RGS17: variants seen among roughly 807,000 people sequenced by gnomAD.
RGS17 encodes the protein regulator of G protein signaling 17.
Under a neutral mutation model 25.5 loss-of-function variants are expected in RGS17, and 12 were observed. That is an observed-to-expected ratio of 0.47 (90% CI 0.30 to 0.76). RGS17 has a LOEUF of 0.76. Ranked by LOEUF, RGS17 falls within the 30% of genes least tolerant of loss-of-function variation. RGS17 has a pLI of 0.07. For synonymous variants in RGS17, 71 were observed against 76.9 expected (o/e 0.92, Z 0.40); for missense variants, 196 against 242.2 (o/e 0.81, Z 1.27).
In RGS17 at chr6:153,037,445, T is replaced by G. The variant is rs76303841; in HGVS notation, c.119+6455A>C. ...GCATTTTTTACTTTTTTTTTTTTTTTGAGACAGAGTCTCTCTGTTGCCCAG... is the reference window on the plus strand; with the variant it reads ...GCATTTTTTACTTTTTTTTTTTTTTGGAGACAGAGTCTCTCTGTTGCCCAG... On this transcript the variant is annotated intron_variant, in intron 2 of 4. Coordinates refer to ENST00000206262, the MANE Select transcript of RGS17 (RefSeq NM_012419.5). 3.3e-5 allele frequency among the ~76,000 whole-genome samples: 5 copies of G among 151,734 alleles called. No individual in the cohort carries two copies. In the East Asian group the frequency reaches 5.8e-4, roughly 18 times the overall value.
intron 4 of RGS17, among the ~76,000 whole-genome samples, chr6:153,022,647 C>A (rs1779257847): frequency 1.3e-5 from 2 of 152,028 alleles, no homozygotes; most frequent in African/African-American, 4.8e-5. Context: ...TAATTACAGG[C>A]AAAAGAAGCA....
At chr6:153,077,118 A>G (rs1290500352) in intron 1 of RGS17, among the ~76,000 whole-genome samples, 2 of 152,210 alleles carry the variant, frequency 1.3e-5, no homozygotes, top group African/African-American at 4.8e-5. Context: ...GTCTTCCCAC[A>G]AAGTATTTAA....
chr6:153,122,763 C>T (rs963059672), intron 1 of RGS17, among the ~76,000 whole-genome samples: 3 of 151,836 alleles, frequency 2.0e-5, no homozygotes, highest in African/African-American at 7.3e-5. Flanking sequence ...TTTCTATGAA[C>T]TATTAGATGT....
intron 1 of RGS17, among the ~76,000 whole-genome samples, chr6:153,113,348 T>C (rs561453041): frequency 6.3e-4 from 96 of 152,300 alleles, no homozygotes; most frequent in African/African-American, 2.2e-3. Flanking sequence ...CATTACATAA[T>C]GGTAAAGGGA....
rs1301821951 is a variant in RGS17, at chr6:153,008,031, T to C, written c.*3543A>G. ...GATATAATTTGTCACAATTACAATA[T>C]GATTTTTTAAAGTATAAATAAGTTA... is the stretch of plus-strand genomic sequence containing the variant. On this transcript the variant is annotated 3_prime_UTR_variant, in exon 5 of 5. Coordinates refer to ENST00000206262, the MANE Select transcript of RGS17 (RefSeq NM_012419.5). 1 of 152,240 alleles carries C rather than the reference T, an allele frequency of 6.6e-6. No homozygotes were observed. The highest frequency in any genetic ancestry group is 1.5e-5 in the Non-Finnish European group (1 of 68,034). The allele number at this position is 152,240 out of a possible 1,614,324, so 9.4% of individuals were successfully genotyped here.
At chr6:153,028,914 A>T (rs1046107413) in intron 2 of RGS17, among the ~76,000 whole-genome samples, 21 of 152,044 alleles carry the variant, frequency 1.4e-4, no homozygotes, top group Admixed American at 2.6e-4. Context: ...TCTTTGAGAA[A>T]TTTTTTTCTC....
At chr6:153,043,562 T>C (rs906291420) in intron 2 of RGS17, among the ~76,000 whole-genome samples, 23 of 151,944 alleles carry the variant, frequency 1.5e-4, no homozygotes, top group Non-Finnish European at 1.5e-5. Context: ...GCCTGTAACA[T>C]TGGAGAATAT....
intron 1 of RGS17, among the ~76,000 whole-genome samples, chr6:153,103,908 G>A (rs1777342607): frequency 6.6e-6 from 1 of 152,120 alleles, no homozygotes; most frequent in Non-Finnish European, 1.5e-5. Context: ...TTACCATCCA[G>A]CTTCACATAT....
rs1562321318 is a variant in RGS17, at chr6:153,053,968, CATATATATGTATATATGTATATAAT to C, written c.-25-9950_-25-9926del. ...AATATATATACATATATATTATATA[CATATATATGTATATATGTATATAAT>C]ATATATACATATATACGTATATATG... On this transcript the variant is annotated intron_variant, in intron 1 of 4. Transcript: ENST00000206262. Among the ~76,000 whole-genome samples the C allele has an allele frequency of 3.4e-4, 14 of 41,630 alleles. 3 individuals are homozygous for C. The highest frequency in any genetic ancestry group is 2.3e-3 in the Admixed American group (8 of 3,450). The allele number at this position is 41,630 out of a possible 152,430, so 27.3% of individuals were successfully genotyped here.
chr6:153,109,319 A>G (rs566773865), intron 1 of RGS17, among the ~76,000 whole-genome samples: 1 of 152,316 alleles, frequency 6.6e-6, no homozygotes, highest in South Asian at 2.1e-4. Flanking sequence ...GTACTTTGCC[A>G]ATGAGTTTAT....
At chr6:153,023,019 C>T (rs1779261659) in intron 4 of RGS17, among the ~76,000 whole-genome samples, 1 of 152,126 alleles carries the variant, frequency 6.6e-6, no homozygotes, top group Admixed American at 6.5e-5. Context: ...GAAGGTTTCT[C>T]ATTTTGTAGA....
At chr6:153,038,872 G>A (rs1776285938) in intron 2 of RGS17, among the ~76,000 whole-genome samples, 1 of 152,088 alleles carries the variant, frequency 6.6e-6, no homozygotes, top group Non-Finnish European at 1.5e-5. Flanking sequence ...ACGGAGGGAG[G>A]GGCAGCCCAA....
At chr6:153,103,374 G>A (rs751799452) in intron 1 of RGS17, among the ~76,000 whole-genome samples, 22 of 151,918 alleles carry the variant, frequency 1.4e-4, no homozygotes, top group Admixed American at 1.3e-3. Context: ...TTATATTTCC[G>A]TGACCTTCAG....
intron 1 of RGS17, among the ~76,000 whole-genome samples, chr6:153,081,098 T>C (rs1429681897): frequency 6.6e-6 from 1 of 152,184 alleles, no homozygotes; most frequent in East Asian, 1.9e-4. Context: ...TGCAGTGTTT[T>C]ATAAATTTCA....
At chr6:153,129,213 CTA>C (rs1231387909) in intron 1 of RGS17, among the ~76,000 whole-genome samples, 1 of 152,138 alleles carries the variant, frequency 6.6e-6, no homozygotes, top group Non-Finnish European at 1.5e-5. Flanking sequence ...TTTCAAAAGA[CTA>C]TAAAAACTAG....
rs1410942618 is a variant in RGS17, at chr6:153,130,241, G to T, written c.-26+883C>A. Among the ~76,000 whole-genome samples the T allele has an allele frequency of 2.0e-5, 3 of 152,172 alleles. No individual in the cohort carries two copies. The highest frequency in any genetic ancestry group is 4.4e-5 in the Non-Finnish European group (3 of 68,044). On this transcript the variant is annotated intron_variant, in intron 1 of 4. Transcript: ENST00000206262. The surrounding 1 kb of genome is among the most constrained non-coding windows in gnomAD (Gnocchi z 6.4). ...GATGAGGGACAGCAGGGAGGCTGGC[G>T]GGGAGGCAGAGATTAAACTATGATT...
rs2129106160 is a variant in RGS17 at position 153,018,915 on chromosome 6, AT to A, written c.444+5346del. On this transcript the variant is annotated intron_variant, in intron 4 of 4. Coordinates refer to ENST00000206262, the MANE Select transcript of RGS17 (RefSeq NM_012419.5). The stretch of plus-strand genomic sequence containing the variant: ...TCATTGAATGTGCTAAATTCACATA[AT>A]TTCACTTAAAGACATATCTACATGG... 2.0e-5 allele frequency among the ~76,000 whole-genome samples: 3 copies of A among 152,354 alleles called. No individual in the cohort carries two copies. The South Asian group carries it at 6.2e-4, about 32-fold the overall frequency.
chr6:153,130,617 G>C lies in RGS17; in HGVS notation c.-26+507C>G, dbSNP rs1051207794. ...TTCCCAAAGGTAAAGAGAGATAAGGGAGGAAACACAGCACCCAAGGTGATC... is the reference window on the plus strand; with the variant it reads ...TTCCCAAAGGTAAAGAGAGATAAGGCAGGAAACACAGCACCCAAGGTGATC... On this transcript the variant is annotated intron_variant, in intron 1 of 4. Coordinates refer to ENST00000206262, the MANE Select transcript of RGS17 (RefSeq NM_012419.5). This position sits in a 1 kb window ranked among gnomAD's most constrained non-coding sequence, Gnocchi z 6.4. 6.6e-6 allele frequency among the ~76,000 whole-genome samples: 1 copy of C among 152,174 alleles called. No homozygotes were observed. Among genetic ancestry groups the C allele is most frequent in the Non-Finnish European group, 1.5e-5 (1 of 68,030 alleles).
At chr6:153,081,070 T>C (rs1776972004) in intron 1 of RGS17, among the ~76,000 whole-genome samples, 1 of 152,154 alleles carries the variant, frequency 6.6e-6, no homozygotes, top group East Asian at 1.9e-4. Context: ...AAAGGATGTA[T>C]ACTCTGCTGC....
Sources: allele counts gnomAD v4.1 joint callset (sites outside exome capture counted in the v4.1 genomes callset), GRCh38; gene constraint gnomAD v4.1.1; non-coding constraint Gnocchi (gnomAD v3.1); transcripts MANE v1.5; gene names NCBI Gene and HGNC (gene_info 2026-07-23, HGNC 2026-07-21).